Variants in SLC22A24 observed in about 807,000 individuals in gnomAD.
SLC22A24 encodes the protein steroid transmembrane transporter SLC22A24.
SLC22A24 carries 53 observed loss-of-function variants against 49.8 expected under a neutral mutation model. The ratio of observed to expected loss-of-function variants is 1.06; its 90% CI spans 0.85 to 1.34. The LOEUF (loss-of-function observed/expected upper bound fraction) is 1.34, where lower values mean the gene tolerates loss of function less well. Ranked by LOEUF, SLC22A24 falls within the 40% of genes most tolerant of loss-of-function variation. The pLI is 0.00. For synonymous variants in SLC22A24, 302 were observed against 256.4 expected (o/e 1.18, Z -1.70); for missense variants, 786 against 675.9 (o/e 1.16, Z -1.81).
intron 6 of SLC22A24, among the ~76,000 whole-genome samples, chr11:63,088,320 C>T (rs1188710119): frequency 6.6e-6 from 1 of 151,418 alleles, no homozygotes; most frequent in African/African-American, 2.4e-5. Flanking sequence ...TGCAGCAGAC[C>T]TGCCAAAGAG....
At chr11:63,122,891 A>C (rs2087262024) in intron 2 of SLC22A24, among the ~76,000 whole-genome samples, 1 of 152,180 alleles carries the variant, frequency 6.6e-6, no homozygotes, top group Non-Finnish European at 1.5e-5. Flanking sequence ...TTCAATACTT[A>C]TAATGTACAG....
chr11:63,135,407 A>G (rs2134682260), intron 1 of SLC22A24, among the ~76,000 whole-genome samples: 1 of 152,360 alleles, frequency 6.6e-6, no homozygotes, highest in Middle Eastern at 3.4e-3. Flanking sequence ...GCGACCTAGC[A>G]TAACATTTGC....
At chr11:63,129,374 T>G (rs1334705930) in intron 2 of SLC22A24, among the ~76,000 whole-genome samples, 3 of 152,230 alleles carry the variant, frequency 2.0e-5, no homozygotes, top group Non-Finnish European at 4.4e-5. Flanking sequence ...TTTTGATTAT[T>G]GTAGCCTTGT....
At chr11:63,105,737 T>C (rs2087117089) in intron 4 of SLC22A24, among the ~76,000 whole-genome samples, 1 of 152,062 alleles carries the variant, frequency 6.6e-6, no homozygotes, top group Non-Finnish European at 1.5e-5. Flanking sequence ...CAAATGTCTC[T>C]GACATGCCCT....
In SLC22A24 at chr11:63,083,315, G is replaced by T. The variant is rs777717825; in HGVS notation, c.1213C>A (p.Arg405Ser). ...VSLLTLNHMG[R>S]RISQILFTFP... The stretch of plus-strand genomic sequence containing the variant: ...GTGAACAATATCTGGCTTATTCGAC[G>T]ACCCATATGATTCAGTGTCAAAAGG... Residue 405 changes from arginine to serine, a missense_variant, in exon 7 of 10, where the codon CGT becomes AGT. Physicochemically the swap from Arg to Ser is moderately radical, Grantham distance 110 (BLOSUM62 -1). Transcript: ENST00000612278. 2 of 1,560,190 alleles carry T rather than the reference G, an allele frequency of 1.3e-6. No homozygotes were observed. Among genetic ancestry groups the T allele is most frequent in the South Asian group, 1.2e-5 (1 of 84,582 alleles).
intron 4 of SLC22A24, among the ~76,000 whole-genome samples, chr11:63,105,796 A>C (rs2087117496): frequency 1.3e-5 from 2 of 152,074 alleles, no homozygotes; most frequent in Admixed American, 1.3e-4. Context: ...GCTCCTCATT[A>C]CTTATGCAAG....
intron 5 of SLC22A24, among the ~76,000 whole-genome samples, chr11:63,099,767 C>T (rs1325865053): frequency 1.4e-4 from 21 of 151,842 alleles, no homozygotes; most frequent in South Asian, 2.1e-4. Context: ...AAGGATGGTT[C>T]GACATATGCA....
intron 2 of SLC22A24, among the ~76,000 whole-genome samples, chr11:63,125,306 T>C (rs1348946949): frequency 1.3e-5 from 2 of 152,040 alleles, no homozygotes; most frequent in Non-Finnish European, 2.9e-5. Context: ...ACTCCTCCCC[T>C]AGCCCTGCAC....
intron 5 of SLC22A24, 105 bp downstream of exon 5, chr11:63,104,070 C>G (rs2087106174): frequency 8.9e-7 from 1 of 1,125,168 alleles, no homozygotes; most frequent in Admixed American, 2.4e-5. Flanking sequence ...ATGTAAGACT[C>G]CACTCACAGA....
rs1364975370 is a variant in SLC22A24 at position 63,119,162 on chromosome 11, G to T, written c.661+19C>A. On this transcript the variant is annotated intron_variant, in intron 3 of 9. Coordinates refer to ENST00000612278, the MANE Select transcript of SLC22A24 (RefSeq NM_001136506.2). The stretch of plus-strand genomic sequence containing the variant: ...ATTCAAGACATGGAGATGATAAAAT[G>T]CTCAAATTATTGACTTACTGAGAAT... The T allele has an allele frequency of 6.5e-7, 1 of 1,529,512 alleles. No individual in the cohort carries two copies. The allele number at this position is 1,529,512 out of a possible 1,614,324, so 94.7% of individuals were successfully genotyped here. A position where few individuals can be genotyped will look rare whatever the true frequency, so the allele number is the denominator to read the frequency against.
chr11:63,135,771 G>A (rs1314775682), intron 1 of SLC22A24, among the ~76,000 whole-genome samples: 2 of 152,174 alleles, frequency 1.3e-5, no homozygotes, highest in African/African-American at 4.8e-5. Flanking sequence ...TAAAGCAGTG[G>A]AGACAACTTG....
At chr11:63,130,924 T>A (rs2087329932) in intron 2 of SLC22A24, among the ~76,000 whole-genome samples, 1 of 152,132 alleles carries the variant, frequency 6.6e-6, no homozygotes, top group Non-Finnish European at 1.5e-5. Flanking sequence ...TTTTTGTAGG[T>A]CTTTAAGAAC....
chr11:63,116,394 A>AT (rs973752576), intron 4 of SLC22A24: 109 of 172,262 alleles, frequency 6.3e-4, no homozygotes, highest in Non-Finnish European at 9.2e-4. Context: ...GCTCTGGCAG[A>AT]TTTTTTTTTC....
chr11:63,123,394 C>CT (rs2087265870), intron 2 of SLC22A24, among the ~76,000 whole-genome samples: 1 of 152,194 alleles, frequency 6.6e-6, no homozygotes, highest in African/African-American at 2.4e-5. Context: ...TCACTGGTCT[C>CT]TATCTACATT....
intron 1 of SLC22A24, among the ~76,000 whole-genome samples, chr11:63,138,663 AAAAAAAG>A (rs1157156852): frequency 2.9e-4 from 44 of 151,260 alleles, no homozygotes; most frequent in African/African-American, 1.0e-3. Flanking sequence ...AAAAAAAAAA[AAAAAAAG>A]AAATTGGCTT....
chr11:63,116,138 T>C, intron 4 of SLC22A24: 1 of 430,734 alleles, frequency 2.3e-6, no homozygotes, highest in Non-Finnish European at 4.0e-6. Context: ...CCTTGGCATG[T>C]GCACTCATGG....
intron 2 of SLC22A24, among the ~76,000 whole-genome samples, chr11:63,124,351 T>C (rs186037694): frequency 2.0e-5 from 3 of 152,258 alleles, no homozygotes; most frequent in Admixed American, 2.0e-4. Flanking sequence ...GCACAGATAA[T>C]GAGATAAATT....
At chr11:63,095,891 G>A (rs2087051181) in intron 6 of SLC22A24, 100 bp downstream of exon 6, 2 of 841,366 alleles carry the variant, frequency 2.4e-6, no homozygotes, top group South Asian at 3.3e-5. Context: ...CTTCTCTTAT[G>A]TATTAAATGT....
At chr11:63,127,853 T>C (rs572930374) in intron 2 of SLC22A24, among the ~76,000 whole-genome samples, 46 of 152,214 alleles carry the variant, frequency 3.0e-4, no homozygotes, top group African/African-American at 9.6e-4. Context: ...TCTTTTTAGA[T>C]TCTGGATATT....
Sources: gnomAD v4.1 joint callset for allele counts (sites outside exome capture counted in the v4.1 genomes callset) on GRCh38, gnomAD v4.1.1 for gene constraint, MANE v1.5 for transcripts, NCBI Gene and HGNC (gene_info 2026-07-23, HGNC 2026-07-21) for gene names.